EVC2: variants seen among roughly 807,000 people sequenced by gnomAD.
EVC2 encodes the protein EvC ciliary complex subunit 2, also known as limbin.
A neutral mutation model predicts 149.3 loss-of-function variants in EVC2; 148 were observed. The observed-to-expected ratio is 0.99, with a 90% CI of 0.87 to 1.14. The LOEUF is 1.14. Ranked by LOEUF, EVC2 falls within the 50% of genes most tolerant of loss-of-function variation. EVC2 has a pLI of 0.00. For missense variants in EVC2, 1,854 were observed against 1,627.3 expected (o/e 1.14, Z -2.40); for synonymous variants, 776 against 649.9 (o/e 1.19, Z -2.95).
intron 8 of EVC2, among the ~76,000 whole-genome samples, chr4:5,665,045 C>T (rs1054960194): frequency 1.5e-5 from 2 of 133,144 alleles, no homozygotes; most frequent in Middle Eastern, 4.3e-3. Flanking sequence ...ATGGGATGCC[C>T]GTGGGTAATG....
At chr4:5,694,799 T>C (rs1028691667) in intron 2 of EVC2, among the ~76,000 whole-genome samples, 8 of 152,196 alleles carry the variant, frequency 5.3e-5, no homozygotes, top group African/African-American at 1.4e-4. Context: ...GGTTGATTCT[T>C]ACACACATGA....
Position 5,632,859 on chromosome 4 carries a change from C to A in EVC2, c.1471-827G>T, listed in dbSNP as rs7675327. 3.3e-5 allele frequency among the ~76,000 whole-genome samples: 5 copies of A among 152,028 alleles called. No individual in the cohort carries two copies. The South Asian group carries it at 1.0e-3, about 32-fold the overall frequency. On this transcript the variant is annotated intron_variant, in intron 10 of 21. Coordinates refer to ENST00000344408, the MANE Select transcript of EVC2 (RefSeq NM_147127.5). ...CTGTTCTTCACTCCACATGGGTAGG[C>A]GGGATTCTGGAATGGCCCCTGATCC...
chr4:5,594,860 G>C (rs1004501470), intron 16 of EVC2, among the ~76,000 whole-genome samples: 9 of 152,136 alleles, frequency 5.9e-5, no homozygotes, highest in Admixed American at 5.2e-4. Flanking sequence ...ATAACCAATA[G>C]AGAAGTGCTC....
chr4:5,594,395 C>G (rs1323924924), intron 16 of EVC2, among the ~76,000 whole-genome samples: 1 of 152,186 alleles, frequency 6.6e-6, no homozygotes, highest in Non-Finnish European at 1.5e-5. Flanking sequence ...AACGATCAGA[C>G]AGCAGCATTC....
intron 16 of EVC2, among the ~76,000 whole-genome samples, chr4:5,596,887 C>T: frequency 6.6e-6 from 1 of 152,162 alleles, no homozygotes; most frequent in East Asian, 1.9e-4. Context: ...GGGGATATCA[C>T]CACCGATCCC....
In EVC2 at chr4:5,634,176, ACAATT is replaced by A. The variant is rs1162867855; in HGVS notation, c.1471-2149_1471-2145del. On this transcript the variant is annotated intron_variant, in intron 10 of 21. Coordinates refer to ENST00000344408, the MANE Select transcript of EVC2 (RefSeq NM_147127.5). The stretch of plus-strand genomic sequence containing the variant: ...AATAGCTTGCCTTGCCCACCAAATA[ACAATT>A]CAGTCTTTTTAAAAAGCTGATTTTA... Among the ~76,000 whole-genome samples the A allele has an allele frequency of 2.0e-5, 3 of 152,208 alleles. No individual in the cohort carries two copies. In the East Asian group the frequency reaches 5.8e-4, roughly 29 times the overall value.
rs558249625 is a variant in EVC2, at chr4:5,640,147, G to C, written c.1470+367C>G. Among the ~76,000 whole-genome samples the C allele has an allele frequency of 6.6e-5, 10 of 152,190 alleles. No individual in the cohort carries two copies. Among genetic ancestry groups the C allele is most frequent in the African/African-American group, 2.4e-4 (10 of 41,516 alleles). ...AGTGGATGGGTAAATTGTTGGATGGGTGATGGGTGGCATGGATGGGAGGGT... is the reference window on the plus strand; with the variant it reads ...AGTGGATGGGTAAATTGTTGGATGGCTGATGGGTGGCATGGATGGGAGGGT... On this transcript the variant is annotated intron_variant, in intron 10 of 21. Coordinates refer to ENST00000344408, the MANE Select transcript of EVC2 (RefSeq NM_147127.5). This position sits in a 1 kb window ranked among gnomAD's most constrained non-coding sequence, Gnocchi z 4.6.
rs538446858 is a variant in EVC2 at position 5,637,984 on chromosome 4, G to A, written c.1470+2530C>T. ...GTAAAAAAACATTCTCAACTTGCAG[G>A]CCACATAAAAACAAGCTGGGTAAGA... On this transcript the variant is annotated intron_variant, in intron 10 of 21. Coordinates refer to ENST00000344408, the MANE Select transcript of EVC2 (RefSeq NM_147127.5). The surrounding 1 kb of genome is among the most constrained non-coding windows in gnomAD (Gnocchi z 4.4). 5.3e-5 allele frequency among the ~76,000 whole-genome samples: 8 copies of A among 152,228 alleles called. 1 individual carries two copies. The South Asian group carries it at 1.7e-3, about 32-fold the overall frequency.
At chr4:5,602,176 A>G (rs528391408) in intron 16 of EVC2, among the ~76,000 whole-genome samples, 1 of 151,708 alleles carries the variant, frequency 6.6e-6, no homozygotes, top group African/African-American at 2.4e-5. Flanking sequence ...AATCCCAGCT[A>G]CCTTGGAGGC....
intron 9 of EVC2, among the ~76,000 whole-genome samples, chr4:5,654,057 T>C (rs6856985): frequency 6.6e-6 from 1 of 151,906 alleles, no homozygotes; most frequent in Non-Finnish European, 1.5e-5. Context: ...CTACTAAAAA[T>C]ACAAAAATTA....
At chr4:5,550,142 G>C (rs1219488230) in intron 21 of EVC2, among the ~76,000 whole-genome samples, 1 of 152,146 alleles carries the variant, frequency 6.6e-6, no homozygotes, top group African/African-American at 2.4e-5. Context: ...AATTGGTACT[G>C]GGAGTGGGGT....
chr4:5,535,943 T>C, the EVC2 span, among the ~76,000 whole-genome samples: 1 of 152,118 alleles, frequency 6.6e-6, no homozygotes, highest in Admixed American at 6.5e-5. The surrounding 1 kb of genome is among the most constrained non-coding windows in gnomAD (Gnocchi z 4.7). Context: ...ACACAGTGCC[T>C]GGCACATAGC....
chr4:5,626,491 G>A (rs142400738), intron 12 of EVC2, among the ~76,000 whole-genome samples: 4,817 of 151,922 alleles, frequency 0.032, 235 homozygotes, highest in African/African-American at 0.11. Context: ...GTGCCACCAC[G>A]CCAGCTAATT....
chr4:5,542,324 G>A (rs1053089701), downstream of EVC2, among the ~76,000 whole-genome samples: 7 of 152,086 alleles, frequency 4.6e-5, no homozygotes, highest in East Asian at 5.8e-4. Flanking sequence ...GCATAGTGGC[G>A]CATGTCTGTG....
chr4:5,533,580 A>T, the EVC2 span, among the ~76,000 whole-genome samples: 1 of 152,228 alleles, frequency 6.6e-6, no homozygotes, highest in South Asian at 2.1e-4. Flanking sequence ...GGAGAGATTA[A>T]GATGCTTGTC....
chr4:5,689,041 G>C, intron 5 of EVC2, 116 bp downstream of exon 5: 1 of 1,112,950 alleles, frequency 9.0e-7, no homozygotes, highest in African/African-American at 1.5e-5. Flanking sequence ...GTGAGGATTA[G>C]GAGAGTGAAC....
In EVC2 at chr4:5,638,538, G is replaced by A. The variant is rs113416103; in HGVS notation, c.1470+1976C>T. Among the ~76,000 whole-genome samples, 882 of 152,252 alleles carry A rather than the reference G, an allele frequency of 5.8e-3. 7 individuals are homozygous for A. Among genetic ancestry groups the A allele is most frequent in the African/African-American group, 0.02 (835 of 41,542 alleles). ...AGGATGTGGGATGTTGAGCAGCACAGTCATAGACTGGGCATTACAGGGCAG... is the reference window on the plus strand; with the variant it reads ...AGGATGTGGGATGTTGAGCAGCACAATCATAGACTGGGCATTACAGGGCAG... On this transcript the variant is annotated intron_variant, in intron 10 of 21. Coordinates refer to ENST00000344408, the MANE Select transcript of EVC2 (RefSeq NM_147127.5).
intron 21 of EVC2, among the ~76,000 whole-genome samples, chr4:5,549,535 A>G (rs1721694033): frequency 6.6e-6 from 1 of 152,234 alleles, no homozygotes; most frequent in Non-Finnish European, 1.5e-5. Context: ...ATCATTGGAC[A>G]TTTAGTCTTT....
intron 21 of EVC2, among the ~76,000 whole-genome samples, chr4:5,552,100 TTTC>T (rs1170006720): frequency 6.6e-6 from 1 of 152,230 alleles, no homozygotes; most frequent in Non-Finnish European, 1.5e-5. Flanking sequence ...TGTTTAGCTA[TTTC>T]TTATGATTTT....
Sources: allele counts gnomAD v4.1 joint callset (sites outside exome capture counted in the v4.1 genomes callset), GRCh38; gene constraint gnomAD v4.1.1; non-coding constraint Gnocchi (gnomAD v3.1); transcripts MANE v1.5; gene names NCBI Gene and HGNC (gene_info 2026-07-23, HGNC 2026-07-21).